The following ZNF92 variants were observed in gnomAD, a reference collection of about 807,000 sequenced individuals.
ZNF92 encodes the protein epididymis luminal protein 203.
In ZNF92, 11 loss-of-function variants were observed where a neutral mutation model predicts 12.4. That is an observed-to-expected ratio of 0.89 (90% CI 0.56 to 1.47). ZNF92 has a LOEUF of 1.47. Ranked by LOEUF, ZNF92 falls within the 40% of genes most tolerant of loss-of-function variation. The pLI, the probability that ZNF92 is intolerant of heterozygous loss-of-function variation, is 0.00. For missense variants in ZNF92, 622 were observed against 681.0 expected (o/e 0.91, Z 0.96); for synonymous variants, 206 against 228.6 (o/e 0.90, Z 0.89).
chr7:65,399,674 G>C lies in ZNF92; in HGVS notation c.1560G>C (p.Gln520His). The C allele has an allele frequency of 6.2e-7, 1 of 1,613,600 alleles. No individual in the cohort carries two copies. Among genetic ancestry groups the C allele is most frequent in the Non-Finnish European group, 8.5e-7 (1 of 1,179,724 alleles). ...AAAAATGTGGCAATGCTTTTAACCAGTCCTCAAACCTTACTGCACGTAAGA... is the reference window on the plus strand; with the variant it reads ...AAAAATGTGGCAATGCTTTTAACCACTCCTCAAACCTTACTGCACGTAAGA... ...KCEKCGNAFN[Q>H]SSNLTARKII... Residue 520 changes from glutamine (Q) to histidine (H), a missense_variant, in exon 4 of 4, where the codon CAG (glutamine) becomes CAC (histidine). By Grantham distance (24) the Gln-to-His change is conservative (BLOSUM62 0). Transcript: ENST00000328747.
intron 1 of ZNF92, among the ~76,000 whole-genome samples, chr7:65,374,623 T>C (rs533265692): frequency 1.3e-5 from 2 of 152,206 alleles, no homozygotes; most frequent in Admixed American, 1.3e-4. Flanking sequence ...TTCCTGGTCA[T>C]GTAATCAGAG....
intron 1 of ZNF92, among the ~76,000 whole-genome samples, chr7:65,376,750 G>T (rs1349330376): frequency 6.6e-6 from 1 of 152,104 alleles, no homozygotes; most frequent in Non-Finnish European, 1.5e-5. Flanking sequence ...TAGCCCACTT[G>T]TGTTTTTTAT....
intron 3 of ZNF92, among the ~76,000 whole-genome samples, chr7:65,398,096 T>TGTA (rs1221268698): frequency 1.3e-5 from 2 of 152,180 alleles, no homozygotes; most frequent in East Asian, 3.8e-4. Flanking sequence ...TTTCCTTCTA[T>TGTA]GTAGCTCTTT....
Position 65,399,406 on chromosome 7 carries a change from G to A in ZNF92, c.1292G>A (p.Gly431Asp), listed in dbSNP as rs375777617. 11 of 1,612,964 alleles carry A rather than the reference G, an allele frequency of 6.8e-6. No individual in the cohort carries two copies. The highest frequency in any genetic ancestry group is 2.7e-5 in the African/African-American group (2 of 74,634). Residue 431 changes from glycine to aspartate, a missense_variant, in exon 4 of 4, where the codon GGC (glycine) becomes GAC (aspartate). Transcript: ENST00000328747. ...GEKPYKCEKC[G>D]KAFSWSSAFT... ...AAACCCTACAAATGTGAAAAATGTG[G>A]CAAGGCCTTTAGCTGGTCCTCAGCT...
At chr7:65,385,297 C>T (rs1260570774) in intron 1 of ZNF92, among the ~76,000 whole-genome samples, 1 of 152,056 alleles carries the variant, frequency 6.6e-6, no homozygotes, top group South Asian at 2.1e-4. Flanking sequence ...GTTTATCAGC[C>T]CAGGCTTCTG....
rs1256655695 is a variant in ZNF92, at chr7:65,388,713, TTAATC to T, written c.131-90_131-86del. ...AGTATTTGGGGATTAATTTACTAGA[TTAATC>T]TATTGCATCCTCTTTACTGAGCATA... On this transcript the variant is annotated intron_variant, in intron 2 of 3. Coordinates refer to ENST00000328747, the MANE Select transcript of ZNF92 (RefSeq NM_152626.4). The T allele has an allele frequency of 5.2e-6, 5 of 961,646 alleles. No individual in the cohort carries two copies. The Admixed American group carries it at 8.1e-5, about 15-fold the overall frequency. 59.6% of individuals were successfully genotyped at this position (961,646 alleles called of 1,614,324 possible). A position where few individuals can be genotyped will look rare whatever the true frequency, so the allele number is the denominator to read the frequency against.
At chr7:65,375,021 T>A (rs1793202113) in intron 1 of ZNF92, among the ~76,000 whole-genome samples, 1 of 152,182 alleles carries the variant, frequency 6.6e-6, no homozygotes, top group Non-Finnish European at 1.5e-5. Context: ...TAATTAATCA[T>A]TTTTGGCAAA....
intron 3 of ZNF92, among the ~76,000 whole-genome samples, chr7:65,395,963 T>G (rs967583393): frequency 7.9e-5 from 12 of 152,078 alleles, no homozygotes; most frequent in Non-Finnish European, 1.8e-4. Flanking sequence ...CCAGGCTGGT[T>G]TGCAGTGGTG....
At chr7:65,381,636 A>G (rs1449910397) in intron 1 of ZNF92, among the ~76,000 whole-genome samples, 9 of 152,064 alleles carry the variant, frequency 5.9e-5, no homozygotes, top group Admixed American at 5.9e-4. Flanking sequence ...TGTATTTCCT[A>G]GGTTATCTTC....
intron 1 of ZNF92, among the ~76,000 whole-genome samples, chr7:65,384,267 G>A (rs1330131315): frequency 6.6e-6 from 1 of 152,064 alleles, no homozygotes; most frequent in East Asian, 1.9e-4. Flanking sequence ...GGTAAGCTTA[G>A]GAAAAACAGA....
At chr7:65,394,108 T>G (rs1793790742) in intron 3 of ZNF92, among the ~76,000 whole-genome samples, 1 of 152,124 alleles carries the variant, frequency 6.6e-6, no homozygotes, top group African/African-American at 2.4e-5. Flanking sequence ...TCTGTTCTTT[T>G]CTTTGTTGCT....
chr7:65,398,409 A>G lies in ZNF92; in HGVS notation c.295A>G (p.Ile99Val). 6.2e-7 allele frequency: 1 copy of G among 1,609,626 alleles called. No homozygotes were observed. The highest frequency in any genetic ancestry group is 8.5e-7 in the Non-Finnish European group (1 of 1,178,730). Reference protein sequence around the residue: ...HSIKDSFQKVILRTYGKYGHE... With the variant: ...HSIKDSFQKVVLRTYGKYGHE... ...CATAAAAGATTCTTTCCAAAAAGTGATACTGAGAACATATGGAAAATATGG... is the reference window on the plus strand; with the variant it reads ...CATAAAAGATTCTTTCCAAAAAGTGGTACTGAGAACATATGGAAAATATGG... The change falls in exon 4 of 4, where the codon ATA (isoleucine) becomes GTA (valine). Residue 99 changes from isoleucine (I) to valine (V), a missense_variant. By Grantham distance (29) the Ile-to-Val change is conservative. Coordinates refer to ENST00000328747, the MANE Select transcript of ZNF92 (RefSeq NM_152626.4).
At chr7:65,376,497 A>T (rs1374074470) in intron 1 of ZNF92, among the ~76,000 whole-genome samples, 1 of 152,052 alleles carries the variant, frequency 6.6e-6, no homozygotes, top group African/African-American at 2.4e-5. Flanking sequence ...CCCAGGCTGG[A>T]GTGCAGTGGT....
intron 3 of ZNF92, among the ~76,000 whole-genome samples, chr7:65,389,302 A>AG (rs1793651699): frequency 6.6e-6 from 1 of 152,050 alleles, no homozygotes. Context: ...TCCAAAAAAA[A>AG]TAGTTTCTGG....
rs763097979 is a variant in ZNF92 at position 65,399,261 on chromosome 7, A to G, written c.1147A>G (p.Thr383Ala). 6.2e-6 allele frequency: 10 copies of G among 1,612,376 alleles called. No individual in the cohort carries two copies. The highest frequency in any genetic ancestry group is 1.6e-4 in the Middle Eastern group (1 of 6,078). ...TGGCAAAGCCTTTAACCAGTCCTCAACCCTTACTAAACATAAAAGAATTCA... is the reference window on the plus strand; with the variant it reads ...TGGCAAAGCCTTTAACCAGTCCTCAGCCCTTACTAAACATAAAAGAATTCA... ...ECGKAFNQSS[T>A]LTKHKRIHTG... The change falls in exon 4 of 4, where the codon ACC (threonine) becomes GCC (alanine). Residue 383 changes from threonine to alanine, a missense_variant. Coordinates refer to ENST00000328747, the MANE Select transcript of ZNF92 (RefSeq NM_152626.4).
At position 65,373,877 on chromosome 7, in the gene ZNF92, C is replaced by A. The variant is rs1230665093; in HGVS notation, c.-121C>A. Reference sequence around the variant, plus strand: ...TTTGTCTCTCGCTGCAGCCGGCGCTCCACGTCTAGTCTTCACTGCTCTGCG... The same window carrying A: ...TTTGTCTCTCGCTGCAGCCGGCGCTACACGTCTAGTCTTCACTGCTCTGCG... On this transcript the variant is annotated 5_prime_UTR_variant, in exon 1 of 4. Coordinates refer to ENST00000328747, the MANE Select transcript of ZNF92 (RefSeq NM_152626.4). 1.4e-6 allele frequency: 2 copies of A among 1,408,472 alleles called. No individual in the cohort carries two copies. Among genetic ancestry groups the A allele is most frequent in the South Asian group, 2.3e-5 (2 of 86,500 alleles). The allele number at this position is 1,408,472 out of a possible 1,614,324, so 87.2% of individuals were successfully genotyped here.
Position 65,399,106 on chromosome 7 carries a change from A to G in ZNF92, c.992A>G (p.His331Arg), listed in dbSNP as rs1434513972. 3 of 1,612,936 alleles carry G rather than the reference A, an allele frequency of 1.9e-6. No homozygotes were observed. Among genetic ancestry groups the G allele is most frequent in the Non-Finnish European group, 2.5e-6 (3 of 1,179,434 alleles). ...AGAGTATTCTCAATTCTTAAAAAACATAAGATAATCCATACTGGGGAAAAA... is the reference window on the plus strand; with the variant it reads ...AGAGTATTCTCAATTCTTAAAAAACGTAAGATAATCCATACTGGGGAAAAA... ...AFRVFSILKK[H>R]KIIHTGEKPY... Residue 331 changes from histidine (H) to arginine (R), a missense_variant, in exon 4 of 4, where the codon CAT becomes CGT. Physicochemically the swap from His to Arg is conservative, Grantham distance 29. Coordinates refer to ENST00000328747, the MANE Select transcript of ZNF92 (RefSeq NM_152626.4).
At position 65,385,319 on chromosome 7, in the gene ZNF92, A is replaced by G. The variant is rs939373869; in HGVS notation, c.4-2583A>G. Reference sequence around the variant, plus strand: ...AGCCCAGGCTTCTGATTAAGATTACATAGCCAGTTTGCAGAAATCTCTATT... The same window carrying G: ...AGCCCAGGCTTCTGATTAAGATTACGTAGCCAGTTTGCAGAAATCTCTATT... On this transcript the variant is annotated intron_variant, in intron 1 of 3. Transcript: ENST00000328747. Among the ~76,000 whole-genome samples the G allele has an allele frequency of 4.6e-5, 7 of 152,270 alleles. No individual in the cohort carries two copies. In the East Asian group the frequency reaches 7.7e-4, roughly 17 times the overall value.
At chr7:65,388,102 G>T (rs1793622654) in intron 2 of ZNF92, 74 bp downstream of exon 2, 1 of 1,483,294 alleles carries the variant, frequency 6.7e-7, no homozygotes, top group East Asian at 2.6e-5. Context: ...ATGTTTTTTG[G>T]TAATTTATGC....
Sources: allele counts gnomAD v4.1 joint callset (sites outside exome capture counted in the v4.1 genomes callset), GRCh38; gene constraint gnomAD v4.1.1; transcripts MANE v1.5; gene names NCBI Gene and HGNC (gene_info 2026-07-23, HGNC 2026-07-21).